Variants in YJU2B observed in about 807,000 individuals in gnomAD.
The protein encoded by YJU2B is probable splicing factor YJU2B.
A neutral mutation model predicts 38.0 loss-of-function variants in YJU2B; 18 were observed. The observed-to-expected ratio is 0.47, with a 90% CI of 0.33 to 0.70. YJU2B has a LOEUF of 0.70. YJU2B is among the 30% of genes least tolerant of loss of function. The pLI is 0.02. For missense variants in YJU2B, 538 were observed against 556.3 expected, an observed-to-expected ratio of 0.97 and a Z score of 0.33; for synonymous variants, 246 against 225.4, an observed-to-expected ratio of 1.09 and a Z score of -0.82.
chr19:13,756,156 A>C, intron 3 of YJU2B, 41 bp from the exon 4 acceptor site: 1 of 1,544,102 alleles, frequency 6.5e-7, no homozygotes, highest in Non-Finnish European at 9.0e-7. Flanking sequence ...GAGCTCCTCC[A>C]GCTCAGCAGC....
upstream of YJU2B, among the ~76,000 whole-genome samples, chr19:13,743,991 A>G (rs1396726116): frequency 6.6e-6 from 1 of 152,168 alleles, no homozygotes; most frequent in African/African-American, 2.4e-5. Context: ...CAGGAGTTCA[A>G]GCCAGCCTGG....
intron 2 of YJU2B, among the ~76,000 whole-genome samples, chr19:13,734,063 G>A (rs1599483949): frequency 6.6e-6 from 1 of 152,012 alleles, no homozygotes; most frequent in African/African-American, 2.4e-5. Context: ...TAGTAGCTGG[G>A]ACTATAGGCA....
chr19:13,761,762 G>A (rs1290579232), intron 8 of YJU2B, among the ~76,000 whole-genome samples: 6 of 111,440 alleles, frequency 5.4e-5, no homozygotes, highest in Admixed American at 3.2e-4. Context: ...CCCCCCTTTC[G>A]CCCTGGCTGG....
intron 1 of YJU2B, among the ~76,000 whole-genome samples, chr19:13,748,274 T>G (rs1169135564): frequency 1.3e-5 from 2 of 152,130 alleles, no homozygotes; most frequent in East Asian, 1.9e-4. Context: ...ATGATTCTTG[T>G]AAAACCGTGA....
chr19:13,742,493 CCTTT>C (rs1274973454), intron 2 of YJU2B, among the ~76,000 whole-genome samples: 1 of 152,038 alleles, frequency 6.6e-6, no homozygotes, highest in African/African-American at 2.4e-5. Context: ...ATGTCTGTGC[CCTTT>C]CTTTTGTTAA....
intron 8 of YJU2B, among the ~76,000 whole-genome samples, chr19:13,760,856 C>T (rs1238806742): frequency 1.3e-5 from 2 of 151,976 alleles, no homozygotes; most frequent in Non-Finnish European, 2.9e-5. Flanking sequence ...CTGAAGCCTC[C>T]ACCCCAGGTT....
intron 1 of YJU2B, among the ~76,000 whole-genome samples, 184 bp downstream of exon 1, chr19:13,748,138 C>T (rs923847558): frequency 6.6e-6 from 1 of 152,160 alleles, no homozygotes; most frequent in Non-Finnish European, 1.5e-5. Context: ...CAGCTGAGAC[C>T]TCTGACCCAA....
At chr19:13,761,757 C>T (rs1036158163) in intron 8 of YJU2B, among the ~76,000 whole-genome samples, 4 of 122,152 alleles carry the variant, frequency 3.3e-5, no homozygotes, top group Admixed American at 1.5e-4. Flanking sequence ...AGTCTCCCCC[C>T]TTTCGCCCTG....
upstream of YJU2B, among the ~76,000 whole-genome samples, chr19:13,745,698 T>TAGATAGATATAGATAG (rs368183752): frequency 7.9e-6 from 1 of 126,892 alleles, no homozygotes; most frequent in African/African-American, 3.1e-5. Flanking sequence ...TAGATATAGA[T>TAGATAGATATAGATAG]ATATAGATAT....
intron 3 of YJU2B, among the ~76,000 whole-genome samples, 188 bp downstream of exon 3, chr19:13,754,530 C>G (rs978859025): frequency 6.6e-6 from 1 of 152,122 alleles, no homozygotes; most frequent in African/African-American, 2.4e-5. Flanking sequence ...GGACCTGTAA[C>G]TCCATGTCCA....
chr19:13,762,760 A>G lies in YJU2B; in HGVS notation c.883A>G (p.Ile295Val). 1 of 1,607,540 alleles carries G rather than the reference A, an allele frequency of 6.2e-7. No homozygotes were observed. ...TSPITVGDLGIVRRRSRDVPE... is the reference protein window; with the variant it reads ...TSPITVGDLGVVRRRSRDVPE... ...CCCCATCACCGTCGGGGACCTGGGC[A>G]TCGTGCGGCGGAGGTCTCGGGACGT... is the stretch of plus-strand genomic sequence containing the variant. The change falls in exon 10 of 10, where the codon ATC becomes GTC. Residue 295 changes from isoleucine (I) to valine (V), a missense_variant. Physicochemically the swap from Ile to Val is conservative, Grantham distance 29. Transcript: ENST00000221554.
intron 1 of YJU2B, among the ~76,000 whole-genome samples, chr19:13,750,857 C>CA (rs908775840): frequency 0.032 from 1,958 of 60,744 alleles, 25 homozygotes; most frequent in East Asian, 0.077. Flanking sequence ...GACTCCGTCT[C>CA]AAAAAAAAAA....
At chr19:13,754,209 T>A (rs1359966701) in intron 2 of YJU2B, 80 bp from the exon 3 acceptor site, 3 of 1,143,026 alleles carry the variant, frequency 2.6e-6, no homozygotes, top group Non-Finnish European at 3.9e-6. Context: ...AGAAAAAATT[T>A]TTTTGAATGA....
intron 2 of YJU2B, among the ~76,000 whole-genome samples, chr19:13,742,345 A>AG (rs1973117623): frequency 8.5e-6 from 1 of 118,238 alleles, no homozygotes; most frequent in African/African-American, 3.3e-5. Flanking sequence ...CACTGTCGCC[A>AG]GCGCTGGAGT....
chr19:13,741,727 T>TCAAAC (rs540043398), intron 2 of YJU2B, among the ~76,000 whole-genome samples: 332 of 151,846 alleles, frequency 2.2e-3, no homozygotes, highest in African/African-American at 7.7e-3. Flanking sequence ...AGACCCTGTC[T>TCAAAC]CAAACCAAAC....
At chr19:13,752,044 C>T (rs1161587810) in intron 2 of YJU2B, among the ~76,000 whole-genome samples, 1 of 152,110 alleles carries the variant, frequency 6.6e-6, no homozygotes, top group African/African-American at 2.4e-5. Flanking sequence ...ACTTTGTTGC[C>T]TAGGCTGGAG....
intron 2 of YJU2B, among the ~76,000 whole-genome samples, chr19:13,737,805 T>G (rs1972994127): frequency 6.6e-6 from 1 of 151,078 alleles, no homozygotes; most frequent in Non-Finnish European, 1.5e-5. Context: ...TAAATAAATT[T>G]AAGTTAGCCA....
At chr19:13,733,466 A>T (rs1280337725) in intron 2 of YJU2B, among the ~76,000 whole-genome samples, 1 of 151,908 alleles carries the variant, frequency 6.6e-6, no homozygotes, top group Non-Finnish European at 1.5e-5. Flanking sequence ...TGACGCCTGT[A>T]ATCCCAGCAC....
intron 1 of YJU2B, among the ~76,000 whole-genome samples, chr19:13,749,797 T>C (rs567589542): frequency 1.3e-5 from 2 of 152,150 alleles, no homozygotes; most frequent in Admixed American, 6.5e-5. Flanking sequence ...CACGCCCAGC[T>C]AATTTTTTGT....
Sources: gnomAD v4.1 joint callset for allele counts (sites outside exome capture counted in the v4.1 genomes callset) on GRCh38, gnomAD v4.1.1 for gene constraint, MANE v1.5 for transcripts, NCBI Gene and HGNC (gene_info 2026-07-23, HGNC 2026-07-21) for gene names.